The following PTPRQ variants were observed in gnomAD, a reference collection of about 807,000 sequenced individuals.
The protein encoded by PTPRQ is protein tyrosine phosphatase receptor type Q, also known as phosphatidylinositol phosphatase PTPRQ.
Under a neutral mutation model 246.0 loss-of-function variants are expected in PTPRQ, and 199 were observed. The observed-to-expected ratio is 0.81, with a 90% CI of 0.72 to 0.91. PTPRQ has a LOEUF of 0.91. PTPRQ is among the 40% of genes least tolerant of loss of function. The pLI is 0.00. For missense variants in PTPRQ, 2,624 were observed against 2,528.4 expected (o/e 1.04, Z -0.81); for synonymous variants, 869 against 853.2 (o/e 1.02, Z -0.32).
At chr12:80,497,031 C>T (rs1894650808) in intron 14 of PTPRQ, among the ~76,000 whole-genome samples, 3 of 151,794 alleles carry the variant, frequency 2.0e-5, no homozygotes, top group Non-Finnish European at 4.4e-5. Flanking sequence ...GAGCAGGGGT[C>T]CCCAACCTTT....
chr12:80,639,994 C>T (rs919142161), intron 35 of PTPRQ, among the ~76,000 whole-genome samples: 2 of 151,276 alleles, frequency 1.3e-5, no homozygotes, highest in African/African-American at 4.9e-5. Flanking sequence ...TACAAGCTAG[C>T]CCAGGTCTTT....
In PTPRQ at chr12:80,669,339, A is replaced by G. The variant is rs370180056; in HGVS notation, c.6328A>G (p.Ile2110Val). The change falls in exon 41 of 45, where the codon ATC becomes GTC. Residue 2110 changes from isoleucine to valine, a missense_variant and splice_region_variant. Transcript: ENST00000644991. ...MLTQCFEKGR[I>V]RCHQYWPEDN... ...GACTGATGATTTTCTCTGAATGCAG[A>G]TCAGATGCCATCAGTATTGGCCAGA... 2.7e-5 allele frequency: 42 copies of G among 1,549,344 alleles called. No individual in the cohort carries two copies. The highest frequency in any genetic ancestry group is 3.6e-5 in the Non-Finnish European group (41 of 1,145,918).
In PTPRQ at chr12:80,546,546, T is replaced by G. The variant is rs1172770067; in HGVS notation, c.3874-10T>G. 2.0e-6 allele frequency: 3 copies of G among 1,534,912 alleles called. No homozygotes were observed. The highest frequency in any genetic ancestry group is 1.8e-6 in the Non-Finnish European group (2 of 1,142,846). Reference sequence around the variant, plus strand: ...GTGCATTAACTAATAACTTTTTTTCTGTTTTTCAGAATATATCAGGATTTA... The same window carrying G: ...GTGCATTAACTAATAACTTTTTTTCGGTTTTTCAGAATATATCAGGATTTA... On this transcript the variant is annotated splice_polypyrimidine_tract_variant and intron_variant, in intron 23 of 44. Coordinates refer to ENST00000644991, the MANE Select transcript of PTPRQ (RefSeq NM_001145026.2).
chr12:80,675,371 A>G (rs1183497297), intron 43 of PTPRQ, among the ~76,000 whole-genome samples: 1 of 152,202 alleles, frequency 6.6e-6, no homozygotes, highest in East Asian at 1.9e-4. Context: ...GGGTCTTATG[A>G]AGGTTCTAAT....
intron 25 of PTPRQ, among the ~76,000 whole-genome samples, chr12:80,560,385 C>T (rs1009121274): frequency 6.6e-6 from 1 of 152,180 alleles, no homozygotes; most frequent in African/African-American, 2.4e-5. Context: ...GTAGACCTAA[C>T]ATGGCAAAGC....
At chr12:80,471,249 G>A (rs911533946) in intron 7 of PTPRQ, among the ~76,000 whole-genome samples, 96 of 151,872 alleles carry the variant, frequency 6.3e-4, no homozygotes, top group African/African-American at 2.3e-3. Context: ...GAGAGCTGTG[G>A]GGCAAAAACA....
intron 17 of PTPRQ, among the ~76,000 whole-genome samples, chr12:80,518,160 T>G (rs1006271953): frequency 2.0e-5 from 3 of 152,306 alleles, no homozygotes; most frequent in African/African-American, 7.2e-5. Flanking sequence ...TGCCTGTCTT[T>G]TGGAGAAGAG....
At chr12:80,592,966 G>C (rs1897851069) in intron 26 of PTPRQ, among the ~76,000 whole-genome samples, 1 of 152,106 alleles carries the variant, frequency 6.6e-6, no homozygotes, top group Admixed American at 6.6e-5. Flanking sequence ...AGCCAAGATT[G>C]TGCCACTGCA....
chr12:80,605,029 A>T (rs1898264091), intron 26 of PTPRQ, 30 bp from the exon 27 acceptor site: 1 of 1,527,474 alleles, frequency 6.5e-7, no homozygotes, highest in Non-Finnish European at 8.8e-7. Context: ...ATTCTAATGT[A>T]GCTAGATAAT....
intron 8 of PTPRQ, among the ~76,000 whole-genome samples, chr12:80,477,892 C>A (rs887467463): frequency 6.6e-6 from 1 of 152,322 alleles, no homozygotes; most frequent in South Asian, 2.1e-4. Context: ...CCCACGGAGT[C>A]TCGCTGATTG....
At chr12:80,656,618 G>A (rs1415079893) in intron 38 of PTPRQ, among the ~76,000 whole-genome samples, 1 of 151,980 alleles carries the variant, frequency 6.6e-6, no homozygotes. Flanking sequence ...TTTCTCTGAA[G>A]AAAAGTAATG....
At chr12:80,553,751 A>C (rs1238721970) in intron 25 of PTPRQ, among the ~76,000 whole-genome samples, 1 of 152,160 alleles carries the variant, frequency 6.6e-6, no homozygotes, top group Non-Finnish European at 1.5e-5. Context: ...AAGGCCCCCA[A>C]GCTTGGTTCT....
rs537270697 is a variant in PTPRQ, at chr12:80,489,014, T to C, written c.1360-4261T>C. On this transcript the variant is annotated intron_variant, in intron 9 of 44. Coordinates refer to ENST00000644991, the MANE Select transcript of PTPRQ (RefSeq NM_001145026.2). ...TGCTAAAATATTTGATCAACTGTTA[T>C]AGGATATCTACCACTGCAAAAGTAG... Among the ~76,000 whole-genome samples the C allele has an allele frequency of 1.1e-4, 17 of 152,166 alleles. No homozygotes were observed. The South Asian group carries it at 1.9e-3, about 17-fold the overall frequency.
At position 80,509,347 on chromosome 12, in the gene PTPRQ, CAGGT is replaced by C. The variant is rs531759256; in HGVS notation, c.2558-973_2558-970del. 1.1e-4 allele frequency among the ~76,000 whole-genome samples: 16 copies of C among 152,082 alleles called. No individual in the cohort carries two copies. In the East Asian group the frequency reaches 3.1e-3, roughly 29 times the overall value. ...AAAAAGAAAAAATATTGAAGTAAGT[CAGGT>C]AGCATTCTGTCCAAATTATTGGAAA... On this transcript the variant is annotated intron_variant, in intron 16 of 44. Transcript: ENST00000644991.
At chr12:80,676,908 A>G (rs968582913) in intron 43 of PTPRQ, among the ~76,000 whole-genome samples, 1 of 152,132 alleles carries the variant, frequency 6.6e-6, no homozygotes, top group Non-Finnish European at 1.5e-5. Context: ...ACACACTCCC[A>G]CCCCCAGATG....
In PTPRQ at chr12:80,647,354, A is replaced by G. The variant is rs142367332; in HGVS notation, c.5916-1543A>G. Reference sequence around the variant, plus strand: ...CCTTGGTAATCAAAGCATCTCAGTCATTTATATCTTAAGTTCAGTTGATCA... The same window carrying G: ...CCTTGGTAATCAAAGCATCTCAGTCGTTTATATCTTAAGTTCAGTTGATCA... On this transcript the variant is annotated intron_variant, in intron 35 of 44. Transcript: ENST00000644991. Among the ~76,000 whole-genome samples the G allele has an allele frequency of 1.9e-3, 295 of 152,280 alleles. 3 individuals carry two copies. The highest frequency in any genetic ancestry group is 3.2e-3 in the Non-Finnish European group (220 of 68,010).
intron 25 of PTPRQ, among the ~76,000 whole-genome samples, chr12:80,577,537 C>T (rs1028044443): frequency 1.3e-5 from 2 of 152,106 alleles, no homozygotes; most frequent in African/African-American, 4.8e-5. Flanking sequence ...ACAGCCAAAC[C>T]ATATTGGCCT....
chr12:80,661,985 G>A (rs1900648301), intron 39 of PTPRQ, among the ~76,000 whole-genome samples: 1 of 151,798 alleles, frequency 6.6e-6, no homozygotes, highest in African/African-American at 2.4e-5. Flanking sequence ...CTATTAGAAA[G>A]GACTAAAGTC....
intron 33 of PTPRQ, among the ~76,000 whole-genome samples, chr12:80,622,480 G>T (rs186055967): frequency 7.2e-5 from 11 of 152,062 alleles, no homozygotes; most frequent in Admixed American, 7.2e-4. Flanking sequence ...CATGCTACTG[G>T]CATCTAGTGG....
Sources: allele counts gnomAD v4.1 joint callset (sites outside exome capture counted in the v4.1 genomes callset), GRCh38; gene constraint gnomAD v4.1.1; transcripts MANE v1.5; gene names NCBI Gene and HGNC (gene_info 2026-07-23, HGNC 2026-07-21).